KCNMA1: variants seen among roughly 807,000 people sequenced by gnomAD.
The protein encoded by KCNMA1 is potassium calcium-activated channel subfamily M alpha 1, also known as Calcium-activated potassium channel subunit alpha-1.
In KCNMA1, 29 loss-of-function variants were observed where a neutral mutation model predicts 140.0. The observed-to-expected ratio is 0.21, with a 90% CI of 0.15 to 0.28. The LOEUF (loss-of-function observed/expected upper bound fraction) is 0.28. Among genes scored for constraint, KCNMA1 ranks in the 10% least tolerant of loss-of-function variants. KCNMA1 has a pLI of 1.00. For missense variants in KCNMA1, 880 were observed against 1,602.2 expected (o/e 0.55, Z 7.70); for synonymous variants, 612 against 611.9 (o/e 1.00, Z 0.00).
intron 3 of KCNMA1, among the ~76,000 whole-genome samples, chr10:77,227,753 AAATGGCT>A (rs2154198099): frequency 6.6e-6 from 1 of 151,068 alleles, no homozygotes; most frequent in South Asian, 2.1e-4. Context: ...TGTTCACATA[AAATGGCT>A]AATTTCTATT....
At chr10:77,489,304 C>G (rs1330815759) in intron 1 of KCNMA1, among the ~76,000 whole-genome samples, 3 of 151,880 alleles carry the variant, frequency 2.0e-5, no homozygotes, top group Non-Finnish European at 4.4e-5. Context: ...ACTGGACAAC[C>G]TTATTTTCTT....
chr10:77,106,485 G>A (rs758829546), intron 9 of KCNMA1, among the ~76,000 whole-genome samples: 1 of 151,980 alleles, frequency 6.6e-6, no homozygotes, highest in Non-Finnish European at 1.5e-5. Context: ...AAAGCTGCCG[G>A]CCTCCAGCCC....
intron 1 of KCNMA1, among the ~76,000 whole-genome samples, chr10:77,612,004 C>T (rs982965102): frequency 6.6e-6 from 1 of 152,166 alleles, no homozygotes; most frequent in South Asian, 2.1e-4. Flanking sequence ...TGCAACAGTG[C>T]AAGCTAAAGG....
At position 76,953,874 on chromosome 10, in the gene KCNMA1, G is replaced by A. The variant is rs2152988601; in HGVS notation, c.2411C>T (p.Ser804Phe). The change falls in exon 21 of 28, where the codon TCC (serine) becomes TTC (phenylalanine). Residue 804 changes from serine (S) to phenylalanine (F), a missense_variant. Ser to Phe is a radical substitution (Grantham distance 155). Around this residue, in one of 13 missense-constraint regions of KCNMA1, gnomAD observed 196 missense variants for 233.0 expected, o/e 0.84. Coordinates refer to ENST00000286628, the MANE Select transcript of KCNMA1 (RefSeq NM_001161352.2). Reference sequence around the variant, plus strand: ...AGTAGAGTCGTACTTCTTCACATTGGAGTCCATGTTGTCAATCTGATCATT... The same window carrying A: ...AGTAGAGTCGTACTTCTTCACATTGAAGTCCATGTTGTCAATCTGATCATT... ...PGNDQIDNMD[S>F]NVKKYDSTGM... 1 of 1,613,928 alleles carries A rather than the reference G, an allele frequency of 6.2e-7. No individual in the cohort carries two copies. Among genetic ancestry groups the A allele is most frequent in the Non-Finnish European group, 8.5e-7 (1 of 1,179,818 alleles).
intron 23 of KCNMA1, among the ~76,000 whole-genome samples, chr10:76,938,301 C>A (rs183143052): frequency 1.4e-4 from 21 of 152,272 alleles, no homozygotes; most frequent in African/African-American, 4.6e-4. Flanking sequence ...TGACTAAAAC[C>A]CAATCCTCCC....
chr10:77,034,121 C>T (rs139964528), intron 15 of KCNMA1, among the ~76,000 whole-genome samples: 4 of 151,616 alleles, frequency 2.6e-5, no homozygotes, highest in African/African-American at 9.7e-5. Context: ...GCACACGTCT[C>T]TAGTCCCAGC....
intron 19 of KCNMA1, among the ~76,000 whole-genome samples, chr10:76,988,999 C>G (rs764888306): frequency 2.0e-5 from 3 of 152,116 alleles, no homozygotes; most frequent in African/African-American, 4.8e-5. Context: ...GATGAGGAGG[C>G]TCTTTGGGGA....
At chr10:77,498,950 G>A (rs980434387) in intron 1 of KCNMA1, 4 of 152,182 alleles carry the variant, frequency 2.6e-5, no homozygotes, top group Non-Finnish European at 5.9e-5. Flanking sequence ...GGCTGAGTAG[G>A]GCTCAACCCT....
At chr10:77,378,368 T>C (rs532048928) in intron 2 of KCNMA1, among the ~76,000 whole-genome samples, 16 of 152,238 alleles carry the variant, frequency 1.1e-4, no homozygotes, top group Admixed American at 2.0e-4. Context: ...GTTTCAGATA[T>C]TTTCTTTGTC....
At chr10:77,214,237 C>T (rs114163839) in intron 3 of KCNMA1, among the ~76,000 whole-genome samples, 4 of 152,314 alleles carry the variant, frequency 2.6e-5, no homozygotes, top group African/African-American at 4.8e-5. Context: ...TTTTCCAAGG[C>T]CACTATTTCA....
rs530998881 is a variant in KCNMA1, at chr10:77,296,830, G to GA, written c.541-45575dup. On this transcript the variant is annotated intron_variant, in intron 2 of 27. Transcript: ENST00000286628. The stretch of plus-strand genomic sequence containing the variant: ...TATCAAGCTGATGACATGGCGGTAT[G>GA]AAAAAAACAGATGAGAGGTCCTACC... Among the ~76,000 whole-genome samples, 986 of 140,366 alleles carry GA rather than the reference G, an allele frequency of 7.0e-3. 2 individuals carry two copies. Among genetic ancestry groups the GA allele is most frequent in the Non-Finnish European group, 0.012 (764 of 65,428 alleles). The allele number at this position is 140,366 out of a possible 152,430, so 92.1% of individuals were successfully genotyped here.
chr10:76,874,154 G>A (rs1007049661), downstream of KCNMA1: 1 of 152,194 alleles, frequency 6.6e-6, no homozygotes, highest in Non-Finnish European at 1.5e-5. Context: ...TGATGCAGGT[G>A]TGTCCAAATT....
At chr10:77,575,006 T>C (rs2073517526) in intron 1 of KCNMA1, among the ~76,000 whole-genome samples, 1 of 152,124 alleles carries the variant, frequency 6.6e-6, no homozygotes, top group Non-Finnish European at 1.5e-5. Flanking sequence ...TGCCTCCTCC[T>C]AGCCCTTGGG....
chr10:77,136,661 A>T (rs1316708880), intron 5 of KCNMA1, among the ~76,000 whole-genome samples: 1 of 151,982 alleles, frequency 6.6e-6, no homozygotes, highest in Non-Finnish European at 1.5e-5. Flanking sequence ...AACTATAGGT[A>T]TGTGTAAAAT....
chr10:76,922,859 T>A (rs1452809326), intron 23 of KCNMA1, among the ~76,000 whole-genome samples: 2 of 152,204 alleles, frequency 1.3e-5, no homozygotes, highest in Non-Finnish European at 2.9e-5. Context: ...ATCTCCATTC[T>A]CTTCGCGGTG....
intron 3 of KCNMA1, among the ~76,000 whole-genome samples, chr10:77,208,527 C>T (rs563822087): frequency 1.4e-5 from 2 of 144,020 alleles, no homozygotes; most frequent in South Asian, 2.1e-4. Context: ...AAAACCTGTG[C>T]GCAGAAATGA....
intron 10 of KCNMA1, 102 bp downstream of exon 10, chr10:77,090,298 C>T: frequency 2.4e-6 from 2 of 849,460 alleles, no homozygotes; most frequent in Non-Finnish European, 4.1e-6. Flanking sequence ...GGCCCCATCC[C>T]CAGTGCCATT....
chr10:77,232,068 G>A (rs531439077), intron 3 of KCNMA1, among the ~76,000 whole-genome samples: 1 of 152,252 alleles, frequency 6.6e-6, no homozygotes, highest in East Asian at 1.9e-4. Context: ...CTTCCACTTA[G>A]CATAATGCTT....
chr10:77,619,126 T>C (rs1303857115), intron 1 of KCNMA1, among the ~76,000 whole-genome samples: 1 of 152,200 alleles, frequency 6.6e-6, no homozygotes, highest in African/African-American at 2.4e-5. Flanking sequence ...ATGTAACAAA[T>C]TACCCCAAAA....
Sources: allele counts gnomAD v4.1 joint callset (sites outside exome capture counted in the v4.1 genomes callset), GRCh38; gene constraint gnomAD v4.1.1; regional missense constraint gnomAD v4.1.1; transcripts MANE v1.5; gene names NCBI Gene and HGNC (gene_info 2026-07-23, HGNC 2026-07-21).